The following GNA14 variants were observed in gnomAD, a reference collection of about 807,000 sequenced individuals.
GNA14 encodes the protein G protein subunit alpha 14, also known as guanine nucleotide-binding protein subunit alpha-14.
Under a neutral mutation model 42.0 loss-of-function variants are expected in GNA14, and 50 were observed. The observed-to-expected ratio is 1.19, with a 90% CI of 0.95 to 1.51. The LOEUF (loss-of-function observed/expected upper bound fraction) is 1.51. Among genes scored for constraint, GNA14 ranks in the 40% most tolerant of loss-of-function variants. The pLI, the probability that GNA14 is intolerant of heterozygous loss-of-function variation, is 0.00. For synonymous variants in GNA14, 173 were observed against 163.1 expected, an observed-to-expected ratio of 1.06 and a Z score of -0.46; for missense variants, 473 against 446.2, an observed-to-expected ratio of 1.06 and a Z score of -0.54.
At position 77,509,011 on chromosome 9, in the gene GNA14, C is replaced by T. The variant is rs138729120; in HGVS notation, c.309+20058G>A. On this transcript the variant is annotated intron_variant, in intron 2 of 6. Transcript: ENST00000341700. ...ACAGTTTAGGGCATTAATACATTCA[C>T]GTTGTCATGCAACCATCACCACCAT... Among the ~76,000 whole-genome samples, 776 of 152,238 alleles carry T rather than the reference C, an allele frequency of 5.1e-3. 5 individuals carry two copies. Among genetic ancestry groups the T allele is most frequent in the African/African-American group, 0.018 (744 of 41,530 alleles).
intron 2 of GNA14, among the ~76,000 whole-genome samples, chr9:77,455,892 C>A (rs1280118906): frequency 6.6e-6 from 1 of 152,138 alleles, no homozygotes; most frequent in Non-Finnish European, 1.5e-5. Flanking sequence ...GTGTTTCATT[C>A]CCCCACAGGC....
At chr9:77,586,321 C>T (rs1056568748) in intron 1 of GNA14, among the ~76,000 whole-genome samples, 1 of 151,922 alleles carries the variant, frequency 6.6e-6, no homozygotes, top group African/African-American at 2.4e-5. Context: ...GATAACCAGC[C>T]CAATTTTTTA....
chr9:77,518,162 G>C (rs1003872670), intron 2 of GNA14: 2 of 152,018 alleles, frequency 1.3e-5, no homozygotes, highest in Admixed American at 1.3e-4. Flanking sequence ...CCTCAATGGA[G>C]GAAGGGAATA....
intron 2 of GNA14, among the ~76,000 whole-genome samples, chr9:77,494,700 A>T (rs1836842710): frequency 6.6e-6 from 1 of 152,252 alleles, no homozygotes. Flanking sequence ...ATTGAGCTGT[A>T]AGTATTTAAT....
chr9:77,471,760 A>T (rs1004170079), intron 2 of GNA14, among the ~76,000 whole-genome samples: 9 of 152,164 alleles, frequency 5.9e-5, no homozygotes, highest in African/African-American at 2.2e-4. Context: ...GTCAGGATGA[A>T]CTATCCACAC....
chr9:77,517,972 T>A (rs529237367), intron 2 of GNA14: 1 of 152,094 alleles, frequency 6.6e-6, no homozygotes, highest in Non-Finnish European at 1.5e-5. Flanking sequence ...ACAGCTTATA[T>A]TGACATATTA....
intron 1 of GNA14, among the ~76,000 whole-genome samples, chr9:77,530,761 G>A (rs1479304496): frequency 6.6e-6 from 1 of 152,214 alleles, no homozygotes; most frequent in African/African-American, 2.4e-5. Flanking sequence ...TGCAGGCTCA[G>A]GCTGCTGGGG....
chr9:77,498,505 T>C (rs1285796352), intron 2 of GNA14, among the ~76,000 whole-genome samples: 2 of 151,794 alleles, frequency 1.3e-5, no homozygotes, highest in African/African-American at 4.8e-5. Flanking sequence ...CTCAATATAC[T>C]ACATAGTGAA....
At chr9:77,575,782 C>G (rs978360315) in intron 1 of GNA14, among the ~76,000 whole-genome samples, 1 of 152,190 alleles carries the variant, frequency 6.6e-6, no homozygotes, top group Admixed American at 6.5e-5. Context: ...CTAAGACCCA[C>G]CTCAGATATT....
chr9:77,466,149 T>A (rs1178535298), intron 2 of GNA14, among the ~76,000 whole-genome samples: 1 of 152,214 alleles, frequency 6.6e-6, no homozygotes, highest in Non-Finnish European at 1.5e-5. Context: ...ATGCTTCGAT[T>A]AGTGTTTTTC....
intron 2 of GNA14, among the ~76,000 whole-genome samples, chr9:77,496,479 C>T (rs968730660): frequency 1.3e-5 from 2 of 152,224 alleles, no homozygotes; most frequent in African/African-American, 2.4e-5. Flanking sequence ...CAAGCACCTT[C>T]TGTAGCCCAG....
In GNA14 at chr9:77,423,869, C is replaced by T; in HGVS notation, c.*110G>A. ...CTGTCCCCACGATCTACATGACATC[C>T]TTAGTTCCTGGCATGGGGCTGGCTC... On this transcript the variant is annotated 3_prime_UTR_variant, in exon 7 of 7. Coordinates refer to ENST00000341700, the MANE Select transcript of GNA14 (RefSeq NM_004297.4). The T allele has an allele frequency of 1.5e-6, 1 of 648,374 alleles. No individual in the cohort carries two copies. The highest frequency in any genetic ancestry group is 2.6e-6 in the Non-Finnish European group (1 of 385,518). 40.2% of individuals were successfully genotyped at this position (648,374 alleles called of 1,614,324 possible).
chr9:77,477,213 C>T (rs1283013673), intron 2 of GNA14, among the ~76,000 whole-genome samples: 1 of 151,972 alleles, frequency 6.6e-6, no homozygotes, highest in African/African-American at 2.4e-5. Flanking sequence ...AAAAATTAGC[C>T]GGGTGTGCTG....
Position 77,423,947 on chromosome 9 carries a change from T to A in GNA14, c.*32A>T, listed in dbSNP as rs759870223. 8.8e-6 allele frequency: 13 copies of A among 1,479,008 alleles called. No homozygotes were observed. The East Asian group carries it at 9.5e-5, about 11-fold the overall frequency. The allele number at this position is 1,479,008 out of a possible 1,614,324, so 91.6% of individuals were successfully genotyped here. A position where few individuals can be genotyped will look rare whatever the true frequency, so the allele number is the denominator to read the frequency against. On this transcript the variant is annotated 3_prime_UTR_variant, in exon 7 of 7. Coordinates refer to ENST00000341700, the MANE Select transcript of GNA14 (RefSeq NM_004297.4). ...AAACAAGGAGTTTGCAAATCACATC[T>A]TCTGTTATAGGGGAGGAGTGGGCAG...
Position 77,479,547 on chromosome 9 carries a change from C to A in GNA14, c.310-45025G>T, listed in dbSNP as rs575225052. On this transcript the variant is annotated intron_variant, in intron 2 of 6. Transcript: ENST00000341700. Reference sequence around the variant, plus strand: ...ATATGAACTTTAAAGTAGTTTTATCCAATTCTTTGAAGAAAGTCATTGGTA... The same window carrying A: ...ATATGAACTTTAAAGTAGTTTTATCAAATTCTTTGAAGAAAGTCATTGGTA... Among the ~76,000 whole-genome samples the A allele has an allele frequency of 4.6e-5, 7 of 152,192 alleles. No homozygotes were observed. In the South Asian group the frequency reaches 1.5e-3, roughly 32 times the overall value.
At chr9:77,506,972 T>A (rs1423991507) in intron 2 of GNA14, among the ~76,000 whole-genome samples, 1 of 152,208 alleles carries the variant, frequency 6.6e-6, no homozygotes, top group Non-Finnish European at 1.5e-5. Flanking sequence ...ATATCTTGCC[T>A]CTTATAAGTC....
intron 1 of GNA14, among the ~76,000 whole-genome samples, chr9:77,556,686 G>A (rs1270274708): frequency 6.6e-6 from 1 of 151,966 alleles, no homozygotes; most frequent in Non-Finnish European, 1.5e-5. Context: ...CAAATCAGAA[G>A]CTTGCTTGGA....
intron 1 of GNA14, among the ~76,000 whole-genome samples, chr9:77,604,216 C>T (rs1334218468): frequency 1.3e-5 from 2 of 152,148 alleles, no homozygotes; most frequent in Non-Finnish European, 2.9e-5. Flanking sequence ...ATTTGCAATG[C>T]TCTGTTCTGC....
chr9:77,592,316 G>A (rs779950572), intron 1 of GNA14, among the ~76,000 whole-genome samples: 9 of 152,278 alleles, frequency 5.9e-5, no homozygotes, highest in South Asian at 2.1e-4. Context: ...GTGCTTACAC[G>A]CGCATGTGTT....
Sources: gnomAD v4.1 joint callset for allele counts (sites outside exome capture counted in the v4.1 genomes callset) on GRCh38, gnomAD v4.1.1 for gene constraint, MANE v1.5 for transcripts, NCBI Gene and HGNC (gene_info 2026-07-23, HGNC 2026-07-21) for gene names.